The following KHDRBS2 variants were observed in gnomAD, a reference collection of about 807,000 sequenced individuals.
KHDRBS2 encodes KH domain-containing, RNA-binding, signal transduction-associated protein 2.
KHDRBS2 carries 26 observed loss-of-function variants against 44.3 expected under a neutral mutation model. The observed-to-expected ratio is 0.59, with a 90% CI of 0.43 to 0.81. KHDRBS2 has a LOEUF of 0.81. Ranked by LOEUF, KHDRBS2 falls within the 40% of genes least tolerant of loss-of-function variation. The pLI is 0.00. For synonymous variants in KHDRBS2, 194 were observed against 151.1 expected (o/e 1.28, Z -2.08); for missense variants, 476 against 433.1 (o/e 1.10, Z -0.88).
chr6:61,580,042 A>G, the KHDRBS2 span, among the ~76,000 whole-genome samples: 2 of 152,128 alleles, frequency 1.3e-5, no homozygotes, highest in Admixed American at 1.3e-4. Flanking sequence ...GGGCAACAAG[A>G]GCAAAACTCC....
chr6:62,140,320 A>T (rs1584921938), intron 2 of KHDRBS2, among the ~76,000 whole-genome samples: 1 of 152,316 alleles, frequency 6.6e-6, no homozygotes, highest in Middle Eastern at 3.4e-3. Flanking sequence ...GGATAGTGGG[A>T]AGCAGTTAAT....
intron 1 of KHDRBS2, among the ~76,000 whole-genome samples, chr6:62,227,205 C>T (rs1387755225): frequency 4.6e-5 from 7 of 152,002 alleles, no homozygotes; most frequent in African/African-American, 7.2e-5. Context: ...CCTTGAGAAG[C>T]GGTTTGTAGT....
intron 6 of KHDRBS2, among the ~76,000 whole-genome samples, chr6:61,761,052 A>G (rs1018915994): frequency 2.0e-5 from 3 of 152,196 alleles, no homozygotes; most frequent in Admixed American, 6.5e-5. Context: ...TGCCTTCCGA[A>G]TATCTTCCCC....
At chr6:62,060,138 A>G (rs1791399064) in intron 2 of KHDRBS2, among the ~76,000 whole-genome samples, 1 of 151,808 alleles carries the variant, frequency 6.6e-6, no homozygotes. Context: ...GAAAACCCCA[A>G]GAGCGTAACA....
chr6:61,700,821 C>A (rs1768536464), intron 7 of KHDRBS2, among the ~76,000 whole-genome samples: 1 of 151,636 alleles, frequency 6.6e-6, no homozygotes, highest in African/African-American at 2.4e-5. Context: ...TCATCAGTTG[C>A]AACACGGGAG....
chr6:61,770,894 G>A (rs978563632), intron 6 of KHDRBS2, among the ~76,000 whole-genome samples: 141 of 152,200 alleles, frequency 9.3e-4, no homozygotes, highest in Non-Finnish European at 1.4e-3. Flanking sequence ...TCAGGTTCAC[G>A]AAAGTTGAAA....
intron 4 of KHDRBS2, among the ~76,000 whole-genome samples, chr6:61,916,332 C>T (rs908508706): frequency 3.3e-5 from 5 of 152,040 alleles, no homozygotes; most frequent in African/African-American, 1.2e-4. Context: ...TTATTTGCAA[C>T]ACAACTGGAG....
chr6:61,831,489 C>T (rs894635344), intron 6 of KHDRBS2, among the ~76,000 whole-genome samples: 3 of 151,840 alleles, frequency 2.0e-5, no homozygotes, highest in Non-Finnish European at 2.9e-5. Flanking sequence ...CTTAAAGGGT[C>T]GTTTGAAAGG....
At chr6:62,060,733 A>T (rs1414162317) in intron 2 of KHDRBS2, among the ~76,000 whole-genome samples, 4 of 151,630 alleles carry the variant, frequency 2.6e-5, no homozygotes, top group Non-Finnish European at 5.9e-5. Context: ...CAAAAATCCC[A>T]CTTGGCATTG....
At chr6:61,586,606 T>G in the KHDRBS2 span, among the ~76,000 whole-genome samples, 1 of 152,178 alleles carries the variant, frequency 6.6e-6, no homozygotes, top group African/African-American at 2.4e-5. Context: ...GAATTTTTCT[T>G]GATATCAATC....
the KHDRBS2 span, among the ~76,000 whole-genome samples, chr6:61,599,890 G>A: frequency 6.6e-6 from 1 of 152,154 alleles, no homozygotes; most frequent in African/African-American, 2.4e-5. Flanking sequence ...CACAAGCCAA[G>A]CTATCAGGAA....
intron 2 of KHDRBS2, among the ~76,000 whole-genome samples, chr6:62,060,725 A>G (rs1314549218): frequency 2.6e-5 from 4 of 151,700 alleles, no homozygotes; most frequent in African/African-American, 9.7e-5. Context: ...ATAAGACCCA[A>G]AAATCCCACT....
chr6:61,673,473 G>T, the KHDRBS2 span, among the ~76,000 whole-genome samples: 1 of 150,412 alleles, frequency 6.6e-6, no homozygotes, highest in East Asian at 2.0e-4. Flanking sequence ...AGGAAAAGAG[G>T]AAGTCAAATT....
intron 4 of KHDRBS2, among the ~76,000 whole-genome samples, chr6:61,942,272 T>G (rs1285238545): frequency 6.6e-6 from 1 of 152,084 alleles, no homozygotes. Context: ...GAATTAAAAT[T>G]ACAGATTCTA....
chr6:61,989,941 G>A (rs1022821688), intron 3 of KHDRBS2, among the ~76,000 whole-genome samples: 5 of 152,188 alleles, frequency 3.3e-5, no homozygotes, highest in Non-Finnish European at 7.3e-5. Flanking sequence ...AGGAATTGGT[G>A]TATAAATAGG....
the KHDRBS2 span, among the ~76,000 whole-genome samples, chr6:61,619,717 G>C: frequency 2.6e-5 from 4 of 151,708 alleles, no homozygotes; most frequent in Non-Finnish European, 5.9e-5. Context: ...GCCTCCCAAA[G>C]TGCTGGGATT....
At chr6:61,672,628 G>A in the KHDRBS2 span, among the ~76,000 whole-genome samples, 1 of 151,956 alleles carries the variant, frequency 6.6e-6, no homozygotes, top group African/African-American at 2.4e-5. Context: ...GTGTCTTTTG[G>A]CTGCATAAAT....
intron 6 of KHDRBS2, among the ~76,000 whole-genome samples, chr6:61,782,722 T>C (rs932032444): frequency 1.0e-5 from 1 of 99,072 alleles, no homozygotes; most frequent in African/African-American, 5.9e-5. Flanking sequence ...TATATATATA[T>C]ATATATATAT....
intron 3 of KHDRBS2, among the ~76,000 whole-genome samples, chr6:62,039,938 G>A (rs887428261): frequency 6.6e-6 from 1 of 152,002 alleles, no homozygotes; most frequent in Non-Finnish European, 1.5e-5. Context: ...TTAACCTTGA[G>A]TTTTGTGACA....
Sources: allele counts gnomAD v4.1 joint callset (sites outside exome capture counted in the v4.1 genomes callset), GRCh38; gene constraint gnomAD v4.1.1; transcripts MANE v1.5; gene names NCBI Gene and HGNC (gene_info 2026-07-23, HGNC 2026-07-21).